The following ACBD6 variants were observed in gnomAD, a reference collection of about 807,000 sequenced individuals.
ACBD6 encodes acyl-CoA-binding domain-containing protein 6.
A neutral mutation model predicts 37.2 loss-of-function variants in ACBD6; 28 were observed. That is an observed-to-expected ratio of 0.75 (90% CI 0.56 to 1.03). ACBD6 has a LOEUF of 1.03. Among genes scored for constraint, ACBD6 ranks in the 50% least tolerant of loss-of-function variants. ACBD6 has a pLI of 0.00. For missense variants in ACBD6, 340 were observed against 337.4 expected, an observed-to-expected ratio of 1.01 and a Z score of -0.06; for synonymous variants, 113 against 126.8, an observed-to-expected ratio of 0.89 and a Z score of 0.73.
At chr1:180,473,771 G>C (rs1392713073) in intron 3 of ACBD6, among the ~76,000 whole-genome samples, 1 of 151,988 alleles carries the variant, frequency 6.6e-6, no homozygotes. Flanking sequence ...TACTGATATT[G>C]AATGGTACAT....
intron 11 of ACBD6, chr1:180,273,579 G>C (rs1454569075): frequency 6.6e-6 from 1 of 152,412 alleles, no homozygotes; most frequent in Non-Finnish European, 1.5e-5. Context: ...AATTCTTTAA[G>C]AAAAAAGAAG....
chr1:180,306,100 G>A (rs1650350486), intron 7 of ACBD6, among the ~76,000 whole-genome samples: 1 of 127,964 alleles, frequency 7.8e-6, no homozygotes, highest in African/African-American at 3.0e-5. Flanking sequence ...GACTGTTGTG[G>A]GGTGGGGGGA....
chr1:180,392,490 G>A (rs1367486339), intron 6 of ACBD6, among the ~76,000 whole-genome samples: 5 of 152,118 alleles, frequency 3.3e-5, no homozygotes, highest in Admixed American at 6.6e-5. Flanking sequence ...TTAAGAGCTT[G>A]GGCTTTGGAG....
chr1:180,297,578 T>C (rs1649970586), intron 7 of ACBD6, among the ~76,000 whole-genome samples: 1 of 152,086 alleles, frequency 6.6e-6, no homozygotes, highest in Non-Finnish European at 1.5e-5. Flanking sequence ...GATCATAGTT[T>C]TGGGTAGCTC....
At chr1:180,481,052 C>T (rs889268705) in intron 3 of ACBD6, among the ~76,000 whole-genome samples, 1 of 149,420 alleles carries the variant, frequency 6.7e-6, no homozygotes. Context: ...AAAAAAAAAA[C>T]AAGATTTTAT....
At chr1:180,401,329 A>T (rs1045906396) in intron 5 of ACBD6, among the ~76,000 whole-genome samples, 1 of 152,222 alleles carries the variant, frequency 6.6e-6, no homozygotes, top group East Asian at 1.9e-4. Flanking sequence ...GTAGCAGCTA[A>T]CCTATTAAGT....
intron 3 of ACBD6, among the ~76,000 whole-genome samples, chr1:180,490,963 A>T (rs1212461606): frequency 2.1e-3 from 23 of 10,778 alleles, no homozygotes; most frequent in Admixed American, 7.9e-3. Flanking sequence ...GTCTCATATA[A>T]AAAAAAAAAA....
intron 6 of ACBD6, among the ~76,000 whole-genome samples, chr1:180,317,603 G>A (rs1258064146): frequency 2.6e-5 from 4 of 152,202 alleles, no homozygotes; most frequent in Non-Finnish European, 5.9e-5. Flanking sequence ...GTGAAAATCA[G>A]TCTGCAGTAG....
chr1:180,427,149 T>C (rs559034057), intron 4 of ACBD6, among the ~76,000 whole-genome samples: 21 of 152,240 alleles, frequency 1.4e-4, no homozygotes, highest in Admixed American at 3.9e-4. Flanking sequence ...TATTATACAA[T>C]ACACATTCGT....
rs1313609706 is a variant in ACBD6, at chr1:180,335,808, T to G, written c.664-21086A>C. ...CACACATAAGCTCAAAATAAAGGGA[T>G]GGAGGAAGATCTACCAAGCAAATGG... On this transcript the variant is annotated intron_variant, in intron 6 of 7. Transcript: ENST00000367595. 2.1e-5 allele frequency among the ~76,000 whole-genome samples: 3 copies of G among 144,864 alleles called. 1 individual carries two copies. Among genetic ancestry groups the G allele is most frequent in the African/African-American group, 7.5e-5 (3 of 40,196 alleles).
intron 7 of ACBD6, among the ~76,000 whole-genome samples, chr1:180,293,403 G>A (rs1211731610): frequency 6.6e-6 from 1 of 151,092 alleles, no homozygotes; most frequent in East Asian, 2.0e-4. Context: ...TACCTCCTGG[G>A]TTCAAGCAAT....
At chr1:180,342,028 C>A (rs1652002613) in intron 6 of ACBD6, among the ~76,000 whole-genome samples, 1 of 152,038 alleles carries the variant, frequency 6.6e-6, no homozygotes, top group South Asian at 2.1e-4. Flanking sequence ...GATCACCATG[C>A]CTAATTTGGA....
At chr1:180,449,050 C>A (rs1295948031) in intron 3 of ACBD6, among the ~76,000 whole-genome samples, 1 of 151,756 alleles carries the variant, frequency 6.6e-6, no homozygotes, top group Non-Finnish European at 1.5e-5. Flanking sequence ...AATAGGAATA[C>A]ACAAATAAAT....
chr1:180,283,383 T>C (rs971695468), downstream of ACBD6, among the ~76,000 whole-genome samples: 7 of 152,236 alleles, frequency 4.6e-5, no homozygotes, highest in Middle Eastern at 0.014. Flanking sequence ...CTTTCCCACC[T>C]CTGAGAAAAA....
intron 3 of ACBD6, among the ~76,000 whole-genome samples, chr1:180,452,970 C>T (rs1014240380): frequency 5.9e-5 from 9 of 152,216 alleles, no homozygotes; most frequent in South Asian, 4.1e-4. Context: ...TCACAGCTGA[C>T]GAAATCTACC....
chr1:180,375,324 T>C (rs1006095670), intron 6 of ACBD6, among the ~76,000 whole-genome samples: 1 of 151,970 alleles, frequency 6.6e-6, no homozygotes, highest in Non-Finnish European at 1.5e-5. Context: ...TCTCAAATCA[T>C]GAGGGAACAG....
At chr1:180,446,509 G>A (rs1001292863) in intron 3 of ACBD6, among the ~76,000 whole-genome samples, 1 of 151,968 alleles carries the variant, frequency 6.6e-6, no homozygotes, top group African/African-American at 2.4e-5. Context: ...CCTGAAACAT[G>A]AATAGCTATT....
Position 180,365,024 on chromosome 1 carries a change from C to T in ACBD6, c.663+32492G>A, listed in dbSNP as rs61697322. Among the ~76,000 whole-genome samples, 877 of 152,244 alleles carry T rather than the reference C, an allele frequency of 5.8e-3. 9 individuals are homozygous for T. The highest frequency in any genetic ancestry group is 0.02 in the African/African-American group (831 of 41,542). ...CTGGGATTACGGGCATGAGCCACCG[C>T]GCCTGGCCAATTCCTACTTTTAAGA... On this transcript the variant is annotated intron_variant, in intron 6 of 7. Transcript: ENST00000367595.
At chr1:180,415,472 G>A (rs1648048930) in intron 4 of ACBD6, among the ~76,000 whole-genome samples, 1 of 151,364 alleles carries the variant, frequency 6.6e-6, no homozygotes, top group African/African-American at 2.4e-5. Context: ...CCAACTTAAG[G>A]ATAATAGGGA....
Sources: gnomAD v4.1 joint callset for allele counts (sites outside exome capture counted in the v4.1 genomes callset) on GRCh38, gnomAD v4.1.1 for gene constraint, MANE v1.5 for transcripts, NCBI Gene and HGNC (gene_info 2026-07-23, HGNC 2026-07-21) for gene names.